The following SLC4A4 variants were observed in gnomAD, a reference collection of about 807,000 sequenced individuals.
SLC4A4 encodes electrogenic sodium bicarbonate cotransporter 1.
In SLC4A4, 27 loss-of-function variants were observed where a neutral mutation model predicts 111.5. The ratio of observed to expected loss-of-function variants is 0.24; its 90% CI spans 0.18 to 0.33. SLC4A4 has a LOEUF of 0.33. SLC4A4 is among the 10% of genes least tolerant of loss of function. SLC4A4 has a pLI of 1.00. For synonymous variants in SLC4A4, 443 were observed against 463.4 expected, an observed-to-expected ratio of 0.96 and a Z score of 0.57; for missense variants, 909 against 1,315.5, an observed-to-expected ratio of 0.69 and a Z score of 4.78.
chr4:71,406,784 G>A (rs1720893556), intron 7 of SLC4A4, among the ~76,000 whole-genome samples: 1 of 151,952 alleles, frequency 6.6e-6, no homozygotes, highest in Admixed American at 6.6e-5. Flanking sequence ...AGGGTAGGAA[G>A]TAACTGAGTC....
chr4:71,498,360 T>G (rs935294151), intron 16 of SLC4A4, among the ~76,000 whole-genome samples: 1 of 152,166 alleles, frequency 6.6e-6, no homozygotes, highest in Non-Finnish European at 1.5e-5. Context: ...TTTTGGTTTT[T>G]TGCCTGCAGA....
rs565214681 is a variant in SLC4A4 at position 71,558,556 on chromosome 4, T to G, written c.2937+671T>G. The stretch of plus-strand genomic sequence containing the variant: ...TGGCATCACTACTGAATTTTATACT[T>G]TACCATAACTCTTTACTTCTTGCAA... On this transcript the variant is annotated intron_variant, in intron 22 of 25. Transcript: ENST00000264485. 1.2e-3 allele frequency among the ~76,000 whole-genome samples: 188 copies of G among 152,014 alleles called. 1 individual carries two copies. Among genetic ancestry groups the G allele is most frequent in the Non-Finnish European group, 6.8e-4 (46 of 67,892 alleles).
intron 3 of SLC4A4, among the ~76,000 whole-genome samples, chr4:71,299,184 A>C (rs1467401308): frequency 1.3e-5 from 2 of 152,234 alleles, no homozygotes; most frequent in Non-Finnish European, 2.9e-5. Context: ...ATATGACTTC[A>C]GCCAATTGAC....
rs190108230 is a variant in SLC4A4, at chr4:71,569,052, T to C, written c.*1301T>C. On this transcript the variant is annotated 3_prime_UTR_variant, in exon 26 of 26. Transcript: ENST00000264485. ...AATATTTGTGTGTTTGTGTATGTGC[T>C]CTGTGCCATGGCTGGTGTATATATG... is the stretch of plus-strand genomic sequence containing the variant. 6.6e-6 allele frequency: 1 copy of C among 151,854 alleles called. No homozygotes were observed. Among genetic ancestry groups the C allele is most frequent in the East Asian group, 2.0e-4 (1 of 5,116 alleles). 9.4% of individuals were successfully genotyped at this position (151,854 alleles called of 1,614,324 possible). A position where few individuals can be genotyped will look rare whatever the true frequency, so the allele number is the denominator to read the frequency against.
intron 18 of SLC4A4, among the ~76,000 whole-genome samples, chr4:71,537,125 A>C (rs1379047340): frequency 6.6e-6 from 1 of 151,824 alleles, no homozygotes; most frequent in Non-Finnish European, 1.5e-5. Context: ...ATAGTCAGCC[A>C]ATTCTTTATA....
At chr4:71,425,350 G>A (rs1577869231) in intron 7 of SLC4A4, among the ~76,000 whole-genome samples, 1 of 152,218 alleles carries the variant, frequency 6.6e-6, no homozygotes, top group Admixed American at 6.6e-5. Context: ...AAAACAGGCT[G>A]GTGGTTGTAC....
chr4:71,158,129 G>C (rs968050983), intron 2 of SLC4A4, among the ~76,000 whole-genome samples: 1 of 151,256 alleles, frequency 6.6e-6, no homozygotes, highest in Admixed American at 6.6e-5. Flanking sequence ...GTGTGTGTGT[G>C]TGTGTGTGTG....
chr4:71,259,379 G>C (rs1721686962), intron 3 of SLC4A4, among the ~76,000 whole-genome samples: 1 of 152,104 alleles, frequency 6.6e-6, no homozygotes, highest in Non-Finnish European at 1.5e-5. Context: ...GAGCTCAGCA[G>C]CAGCTCCAAG....
intron 16 of SLC4A4, among the ~76,000 whole-genome samples, chr4:71,517,849 T>G (rs12696755): frequency 0.42 from 63,309 of 152,068 alleles, 16,022 homozygotes; most frequent in African/African-American, 0.67. Context: ...GACTTCCCAG[T>G]TAGGCTGACC....
At chr4:71,467,689 C>T (rs1727501311) in intron 13 of SLC4A4, among the ~76,000 whole-genome samples, 1 of 152,028 alleles carries the variant, frequency 6.6e-6, no homozygotes, top group Non-Finnish European at 1.5e-5. Flanking sequence ...ATTTATGGAT[C>T]ATTTTAAGAA....
At chr4:71,345,866 C>A (rs913544750) in intron 4 of SLC4A4, among the ~76,000 whole-genome samples, 1 of 152,058 alleles carries the variant, frequency 6.6e-6, no homozygotes, top group African/African-American at 2.4e-5. Context: ...TGTACAATAA[C>A]TTTAATAGTG....
chr4:71,196,635 C>A (rs1253358392), intron 1 of SLC4A4, among the ~76,000 whole-genome samples: 1 of 151,358 alleles, frequency 6.6e-6, no homozygotes, highest in East Asian at 1.9e-4. Context: ...TCACGGTGGC[C>A]AGAAAATGCT....
intron 1 of SLC4A4, among the ~76,000 whole-genome samples, chr4:71,221,693 G>A (rs574515604): frequency 6.6e-6 from 1 of 152,308 alleles, no homozygotes; most frequent in African/African-American, 2.4e-5. Flanking sequence ...GCAACAACTT[G>A]AGTCATGAAC....
chr4:71,186,094 T>C (rs1044727726), upstream of SLC4A4, among the ~76,000 whole-genome samples: 1 of 152,250 alleles, frequency 6.6e-6, no homozygotes, highest in African/African-American at 2.4e-5. Flanking sequence ...TATGATTCAA[T>C]AGTTTACCAA....
At chr4:71,146,705 A>T (rs987380911) in intron 2 of SLC4A4, among the ~76,000 whole-genome samples, 1 of 151,894 alleles carries the variant, frequency 6.6e-6, no homozygotes, top group Non-Finnish European at 1.5e-5. Context: ...TTATGTAACC[A>T]CCAGGCCTGC....
At chr4:71,233,231 T>C in intron 1 of SLC4A4, 1 of 980,832 alleles carries the variant, frequency 1.0e-6, no homozygotes, top group Non-Finnish European at 1.2e-6. Flanking sequence ...TAGCATCCAG[T>C]AAATATTTAC....
chr4:71,503,635 A>G (rs1421911322), intron 16 of SLC4A4, among the ~76,000 whole-genome samples: 1 of 151,864 alleles, frequency 6.6e-6, no homozygotes, highest in Non-Finnish European at 1.5e-5. Context: ...TTTCTTATCT[A>G]CTGTGTGTTT....
intron 2 of SLC4A4, among the ~76,000 whole-genome samples, chr4:71,142,286 A>T (rs1744018757): frequency 6.6e-6 from 1 of 152,196 alleles, no homozygotes; most frequent in African/African-American, 2.4e-5. Flanking sequence ...ACTAACACAA[A>T]CATATTAAAA....
At chr4:71,308,954 G>T (rs1725917115) in intron 3 of SLC4A4, among the ~76,000 whole-genome samples, 1 of 152,212 alleles carries the variant, frequency 6.6e-6, no homozygotes, top group Admixed American at 6.5e-5. Flanking sequence ...TACTCCCACA[G>T]AGCCCAGCAA....
Sources: allele counts gnomAD v4.1 joint callset (sites outside exome capture counted in the v4.1 genomes callset), GRCh38; gene constraint gnomAD v4.1.1; transcripts MANE v1.5; gene names NCBI Gene and HGNC (gene_info 2026-07-23, HGNC 2026-07-21).